Variants in AEBP2 observed in about 807,000 individuals in gnomAD.
AEBP2 encodes the protein zinc finger protein AEBP2.
A neutral mutation model predicts 50.8 loss-of-function variants in AEBP2; 10 were observed. That is an observed-to-expected ratio of 0.20 (90% confidence interval 0.12 to 0.33). The LOEUF is 0.33. Among genes scored for constraint, AEBP2 ranks in the 10% least tolerant of loss-of-function variants. The pLI, the probability that AEBP2 is intolerant of heterozygous loss-of-function variation, is 1.00. For missense variants in AEBP2, 570 were observed against 688.0 expected (o/e 0.83, Z 1.92); for synonymous variants, 296 against 261.3 (o/e 1.13, Z -1.28).
intron 4 of AEBP2, 97 bp downstream of exon 4, chr12:19,494,083 A>T (rs965736983): frequency 2.0e-5 from 27 of 1,329,082 alleles, no homozygotes; most frequent in Admixed American, 2.7e-5. Context: ...CTCCTCTTCT[A>T]TTAAAAGTAA....
intron 3 of AEBP2, among the ~76,000 whole-genome samples, chr12:19,489,295 A>G (rs1460347515): frequency 6.6e-6 from 1 of 152,242 alleles, no homozygotes; most frequent in East Asian, 1.9e-4. Context: ...AAGGGGAAGC[A>G]GTATCTCTTC....
chr12:19,503,999 T>G (rs558607981), intron 5 of AEBP2, among the ~76,000 whole-genome samples: 4 of 152,080 alleles, frequency 2.6e-5, no homozygotes, highest in African/African-American at 9.6e-5. Context: ...ACCTGGCTAA[T>G]TTATTTTTGG....
intron 1 of AEBP2, among the ~76,000 whole-genome samples, chr12:19,410,591 C>T (rs939489298): frequency 3.4e-4 from 52 of 152,158 alleles, no homozygotes; most frequent in African/African-American, 1.2e-3. Flanking sequence ...TCCCCTGTTT[C>T]GTGACCTTCA....
rs1270852337 is a variant in AEBP2 at position 19,439,874 on chromosome 12, C to T, written c.175C>T (p.Leu59=). The T allele has an allele frequency of 2.0e-6, 3 of 1,482,422 alleles. No homozygotes were observed. Among genetic ancestry groups the T allele is most frequent in the African/African-American group, 2.9e-5 (2 of 67,836 alleles). 91.8% of individuals were successfully genotyped at this position (1,482,422 alleles called of 1,614,324 possible). ...AEAEAVAALL[L]NGGSGGGGGG... is the part of the protein sequence containing the mutation. The stretch of plus-strand genomic sequence containing the variant: ...GGCCGAGGCGGTGGCGGCGCTGCTG[C>T]TGAACGGCGGCAGCGGTGGGGGCGG... The change falls in exon 1 of 8, where the codon CTG becomes TTG. Residue 59 remains leucine, a synonymous_variant. Coordinates refer to ENST00000266508, the MANE Select transcript of AEBP2 (RefSeq NM_153207.5).
upstream of AEBP2, among the ~76,000 whole-genome samples, chr12:19,439,251 G>C (rs1461462853): frequency 6.6e-6 from 1 of 152,156 alleles, no homozygotes; most frequent in Non-Finnish European, 1.5e-5. Flanking sequence ...TGAGTTTATC[G>C]TGAGAACTCG....
chr12:19,495,316 T>C (rs1948959421), intron 4 of AEBP2, among the ~76,000 whole-genome samples: 1 of 152,158 alleles, frequency 6.6e-6, no homozygotes, highest in Admixed American at 6.5e-5. Context: ...AAAGAAAAAA[T>C]AGATTGTACT....
At chr12:19,495,621 A>C (rs771809798) in intron 4 of AEBP2, among the ~76,000 whole-genome samples, 12 of 150,450 alleles carry the variant, frequency 8.0e-5, no homozygotes, top group Non-Finnish European at 1.5e-4. Flanking sequence ...GGCTTACCGC[A>C]GTTTCAGACT....
intron 3 of AEBP2, among the ~76,000 whole-genome samples, chr12:19,485,948 CT>C (rs60355570): frequency 0.13 from 11,768 of 91,268 alleles, 264 homozygotes; most frequent in Middle Eastern, 0.21. Context: ...TGAGCCTCTG[CT>C]TTTTTTTTTT....
At chr12:19,461,478 C>T (rs189466081) in intron 1 of AEBP2, among the ~76,000 whole-genome samples, 17 of 151,984 alleles carry the variant, frequency 1.1e-4, no homozygotes, top group African/African-American at 4.1e-4. Flanking sequence ...TCTTGTTGAC[C>T]AGGCTGGAGT....
chr12:19,416,526 C>T (rs1007813550), intron 1 of AEBP2, among the ~76,000 whole-genome samples: 4 of 151,948 alleles, frequency 2.6e-5, no homozygotes, highest in Non-Finnish European at 5.9e-5. Context: ...CTGCCTCAGG[C>T]TCCCGAGTAG....
At chr12:19,510,563 C>T (rs570872220) in intron 5 of AEBP2, among the ~76,000 whole-genome samples, 3 of 152,010 alleles carry the variant, frequency 2.0e-5, no homozygotes, top group Non-Finnish European at 4.4e-5. Flanking sequence ...AAAAATGAAG[C>T]GTACGTAACT....
chr12:19,421,817 G>C (rs1299007496), intron 1 of AEBP2, among the ~76,000 whole-genome samples: 1 of 152,142 alleles, frequency 6.6e-6, no homozygotes. Context: ...TCACACAGTA[G>C]AATTTACCTG....
chr12:19,445,281 C>T (rs184801192), intron 1 of AEBP2, among the ~76,000 whole-genome samples: 61 of 152,168 alleles, frequency 4.0e-4, no homozygotes, highest in African/African-American at 1.2e-3. Flanking sequence ...TCACGGCAGC[C>T]TCTGCCTCCC....
At chr12:19,480,942 G>GTTTGATGTAATCC (rs1948719410) in intron 3 of AEBP2, among the ~76,000 whole-genome samples, 1 of 151,936 alleles carries the variant, frequency 6.6e-6, no homozygotes, top group Non-Finnish European at 1.5e-5. Flanking sequence ...AGGTTTGGTT[G>GTTTGATGTAATCC]TTTGATGTAA....
intron 2 of AEBP2, among the ~76,000 whole-genome samples, chr12:19,464,056 A>G (rs945492917): frequency 5.9e-5 from 9 of 152,206 alleles, no homozygotes; most frequent in African/African-American, 1.7e-4. Flanking sequence ...AAGTATAGCA[A>G]TTGTACATTT....
At chr12:19,456,212 T>G in intron 1 of AEBP2, 2 of 1,413,014 alleles carry the variant, frequency 1.4e-6, no homozygotes, top group Non-Finnish European at 9.7e-7. Context: ...CACCACTGAT[T>G]AAGACCGGGG....
At chr12:19,453,942 C>G (rs192415162) in intron 1 of AEBP2, among the ~76,000 whole-genome samples, 1 of 152,158 alleles carries the variant, frequency 6.6e-6, no homozygotes, top group Non-Finnish European at 1.5e-5. Flanking sequence ...GGATTACAGG[C>G]TTGATCCACC....
chr12:19,518,878 C>T lies in AEBP2; in HGVS notation c.*761C>T, dbSNP rs572339000. The T allele has an allele frequency of 4.2e-5, 19 of 454,788 alleles. No individual in the cohort carries two copies. Among genetic ancestry groups the T allele is most frequent in the Non-Finnish European group, 6.5e-5 (18 of 277,072 alleles). 28.2% of individuals were successfully genotyped at this position (454,788 alleles called of 1,614,324 possible). A position where few individuals can be genotyped will look rare whatever the true frequency, so the allele number is the denominator to read the frequency against. The stretch of plus-strand genomic sequence containing the variant: ...TTTACCTATATAACTAATCTGTTAA[C>T]GGTTTTTGAAAAACCTTTCAAATTA... On this transcript the variant is annotated 3_prime_UTR_variant, in exon 8 of 8. Coordinates refer to ENST00000266508, the MANE Select transcript of AEBP2 (RefSeq NM_153207.5).
chr12:19,456,448 A>G, intron 1 of AEBP2: 1 of 1,428,768 alleles, frequency 7.0e-7, no homozygotes, highest in East Asian at 2.3e-5. Context: ...GCATCACCAG[A>G]GTTCAAGAAG....
Sources: gnomAD v4.1 joint callset for allele counts (sites outside exome capture counted in the v4.1 genomes callset) on GRCh38, gnomAD v4.1.1 for gene constraint, MANE v1.5 for transcripts, NCBI Gene and HGNC (gene_info 2026-07-23, HGNC 2026-07-21) for gene names.